GRIK5: variants seen among roughly 807,000 people sequenced by gnomAD.
GRIK5 encodes glutamate receptor ionotropic, kainate 5.
A neutral mutation model predicts 97.4 loss-of-function variants in GRIK5; 43 were observed. That is an observed-to-expected ratio of 0.44 (90% CI 0.35 to 0.57). The LOEUF is 0.57. Ranked by LOEUF, GRIK5 falls within the 20% of genes least tolerant of loss-of-function variation. The pLI, the probability that GRIK5 is intolerant of heterozygous loss-of-function variation, is 0.01. For missense variants in GRIK5, 1,015 were observed against 1,382.0 expected (o/e 0.73, Z 4.21); for synonymous variants, 580 against 583.5 (o/e 0.99, Z 0.09).
chr19:42,067,375 G>A (rs556396764), intron 1 of GRIK5, among the ~76,000 whole-genome samples: 21 of 152,358 alleles, frequency 1.4e-4, no homozygotes, highest in African/African-American at 5.1e-4. Flanking sequence ...CTGCCTTCTA[G>A]GCCTCTGAGA....
chr19:42,003,844 C>A lies in GRIK5; in HGVS notation c.2264-161G>T. On this transcript the variant is annotated intron_variant, in intron 17 of 19. Coordinates refer to ENST00000593562, the MANE Select transcript of GRIK5 (RefSeq NM_002088.5). This position sits in a 1 kb window ranked among gnomAD's most constrained non-coding sequence, Gnocchi z 4.2. ...CACCCCCAGCCCAGTCTCCTCTCAA[C>A]ACAGCAGCCAGAGAGACAGTGTTAG... 1 of 675,276 alleles carries A rather than the reference C, an allele frequency of 1.5e-6. No homozygotes were observed. Among genetic ancestry groups the A allele is most frequent in the Non-Finnish European group, 2.4e-6 (1 of 413,922 alleles). 41.8% of individuals were successfully genotyped at this position (675,276 alleles called of 1,614,324 possible).
In GRIK5 at chr19:41,999,018, G is replaced by A; in HGVS notation, c.2796C>T (p.Val932=). The A allele has an allele frequency of 1.6e-6, 2 of 1,215,414 alleles. No individual in the cohort carries two copies. The highest frequency in any genetic ancestry group is 1.0e-6 in the Non-Finnish European group (1 of 968,886). 75.3% of individuals were successfully genotyped at this position (1,215,414 alleles called of 1,614,324 possible). The change falls in exon 20 of 20, where the codon GTC becomes GTT. Residue 932 remains valine (V), a synonymous_variant. Transcript: ENST00000593562. The surrounding 1 kb of genome is among the most constrained non-coding windows in gnomAD (Gnocchi z 5.0). Reference sequence around the variant, plus strand: ...CCTGGATGCGCCGGCACTCCTGGCAGACGCGCACGTGGGTGCAGGGGGTGG... The same window carrying A: ...CCTGGATGCGCCGGCACTCCTGGCAAACGCGCACGTGGGTGCAGGGGGTGG... The part of the protein sequence containing the change: ...AAPTPCTHVR[V]CQECRRIQAL...
rs752815054 is a variant in GRIK5 at position 42,065,696 on chromosome 19, G to A, written c.75C>T (p.Arg25=). The part of the protein sequence containing the change: ...SPSCQVLSSL[R]MAAILDDQTV... ...CAGGGTGCGGGAGGGCCTCACCCAT[G>A]CGCAGTGATGAGAGCACCTGGCAGC... is the stretch of plus-strand genomic sequence containing the variant. The change falls in exon 2 of 20, where the codon CGC becomes CGT. Residue 25 remains arginine, a synonymous_variant. Transcript: ENST00000593562. The surrounding 1 kb of genome is among the most constrained non-coding windows in gnomAD (Gnocchi z 5.8). The A allele has an allele frequency of 6.3e-7, 1 of 1,587,978 alleles. No homozygotes were observed. The highest frequency in any genetic ancestry group is 8.6e-7 in the Non-Finnish European group (1 of 1,168,870).
In GRIK5 at chr19:42,029,091, CAG is replaced by C. The variant is rs921077384; in HGVS notation, c.1474-6739_1474-6738del. 1.1e-4 allele frequency among the ~76,000 whole-genome samples: 17 copies of C among 152,134 alleles called. No homozygotes were observed. In the East Asian group the frequency reaches 2.5e-3, roughly 23 times the overall value. ...ACAAAAAAAAATTTTTTTTTTGAGA[CAG>C]AGTCTTGCTCTGTAGCTGGGCTAGA... On this transcript the variant is annotated intron_variant, in intron 12 of 19. Coordinates refer to ENST00000593562, the MANE Select transcript of GRIK5 (RefSeq NM_002088.5).
At chr19:42,049,507 A>C (rs1187145254) in intron 11 of GRIK5, among the ~76,000 whole-genome samples, 1 of 152,220 alleles carries the variant, frequency 6.6e-6, no homozygotes, top group Admixed American at 6.5e-5. Context: ...ATGTTGCCAG[A>C]AGAAGCCAGT....
intron 15 of GRIK5, among the ~76,000 whole-genome samples, chr19:42,009,495 C>A (rs912204877): frequency 9.3e-4 from 140 of 150,796 alleles, no homozygotes; most frequent in African/African-American, 3.3e-3. Flanking sequence ...AGGCTGGGCG[C>A]GGTGGCTCAC....
Position 42,033,430 on chromosome 19 carries a change from C to T in GRIK5, c.1473+9122G>A, listed in dbSNP as rs150979502. Among the ~76,000 whole-genome samples, 14 of 151,748 alleles carry T rather than the reference C, an allele frequency of 9.2e-5. No individual in the cohort carries two copies. The East Asian group carries it at 2.7e-3, about 29-fold the overall frequency. ...AGTGAAAGAAGCCATACACAAAGACCGCATATTGGATGATTCCATTTATGT... is the reference window on the plus strand; with the variant it reads ...AGTGAAAGAAGCCATACACAAAGACTGCATATTGGATGATTCCATTTATGT... On this transcript the variant is annotated intron_variant, in intron 12 of 19. Coordinates refer to ENST00000593562, the MANE Select transcript of GRIK5 (RefSeq NM_002088.5).
intron 6 of GRIK5, among the ~76,000 whole-genome samples, chr19:42,058,927 C>T (rs1290041521): frequency 6.6e-6 from 1 of 152,114 alleles, no homozygotes; most frequent in African/African-American, 2.4e-5. Flanking sequence ...TACGATGTAG[C>T]CAGATCTGAC....
At chr19:42,036,099 G>A (rs556216064) in intron 12 of GRIK5, among the ~76,000 whole-genome samples, 5 of 151,740 alleles carry the variant, frequency 3.3e-5, no homozygotes, top group East Asian at 1.9e-4. Context: ...CACTCTTGTC[G>A]CCCAGGCTGG....
rs764169683 is a variant in GRIK5 at position 42,065,718 on chromosome 19, C to T, written c.53G>A (p.Cys18Tyr). 6.3e-7 allele frequency: 1 copy of T among 1,596,626 alleles called. No individual in the cohort carries two copies. The highest frequency in any genetic ancestry group is 1.1e-5 in the South Asian group (1 of 88,110). ...LLIVAFASPS[C>Y]QVLSSLRMAA... ...CATGCGCAGTGATGAGAGCACCTGG[C>T]AGCTGGGGCTGGCGAAGGCAACAAT... Residue 18 changes from cysteine (C) to tyrosine (Y), a missense_variant, in exon 2 of 20, where the codon TGC becomes TAC. Cys to Tyr is a radical substitution (Grantham distance 194). Coordinates refer to ENST00000593562, the MANE Select transcript of GRIK5 (RefSeq NM_002088.5). This position sits in a 1 kb window ranked among gnomAD's most constrained non-coding sequence, Gnocchi z 5.8.
rs1599772260 is a variant in GRIK5, at chr19:42,022,759, G to A, written c.1474-405C>T. The A allele has an allele frequency of 1.4e-6, 1 of 704,168 alleles. No homozygotes were observed. 43.6% of individuals were successfully genotyped at this position (704,168 alleles called of 1,614,324 possible). A position where few individuals can be genotyped will look rare whatever the true frequency, so the allele number is the denominator to read the frequency against. On this transcript the variant is annotated intron_variant, in intron 12 of 19. Coordinates refer to ENST00000593562, the MANE Select transcript of GRIK5 (RefSeq NM_002088.5). The surrounding 1 kb of genome is among the most constrained non-coding windows in gnomAD (Gnocchi z 4.2). Reference sequence around the variant, plus strand: ...CAGGCCCGGACAGAACACAGAGCAGGGAGAGAGGAGGCAGGGCCCAGAAAT... The same window carrying A: ...CAGGCCCGGACAGAACACAGAGCAGAGAGAGAGGAGGCAGGGCCCAGAAAT...
At position 41,999,902 on chromosome 19, in the gene GRIK5, T is replaced by A. The variant is rs1231702119; in HGVS notation, c.2515-603A>T. ...GACGATGAATTCTGAGACAGGACAG[T>A]CAAGGAAGACCTCACTGAGAGAAGG... On this transcript the variant is annotated intron_variant, in intron 19 of 19. Transcript: ENST00000593562. The surrounding 1 kb of genome is among the most constrained non-coding windows in gnomAD (Gnocchi z 5.0). Among the ~76,000 whole-genome samples, 2 of 152,102 alleles carry A rather than the reference T, an allele frequency of 1.3e-5. No individual in the cohort carries two copies. The highest frequency in any genetic ancestry group is 4.8e-5 in the African/African-American group (2 of 41,396).
intron 19 of GRIK5, among the ~76,000 whole-genome samples, chr19:42,001,180 C>T (rs951487855): frequency 6.6e-6 from 1 of 152,122 alleles, no homozygotes; most frequent in Non-Finnish European, 1.5e-5. Flanking sequence ...ACTGGTGAAT[C>T]GTAAGCTGTT....
rs142667820 is a variant in GRIK5 at position 42,042,280 on chromosome 19, A to G, written c.1473+272T>C. 4.0e-3 allele frequency among the ~76,000 whole-genome samples: 611 copies of G among 152,276 alleles called. 7 individuals are homozygous for G. The highest frequency in any genetic ancestry group is 0.014 in the African/African-American group (577 of 41,556). ...TCACTTAACAAATCTTTGCACACCG[A>G]CTAATCCAAGGTGGCATGAAAGGGG... On this transcript the variant is annotated intron_variant, in intron 12 of 19. Transcript: ENST00000593562. This position sits in a 1 kb window ranked among gnomAD's most constrained non-coding sequence, Gnocchi z 6.9.
intron 11 of GRIK5, among the ~76,000 whole-genome samples, chr19:42,048,914 C>G (rs1021881220): frequency 1.3e-5 from 2 of 151,794 alleles, no homozygotes; most frequent in African/African-American, 4.8e-5. Context: ...TGGTGGTGCA[C>G]GACTGTGGTC....
At chr19:42,052,578 T>C (rs2076131211) in intron 11 of GRIK5, among the ~76,000 whole-genome samples, 2 of 152,214 alleles carry the variant, frequency 1.3e-5, no homozygotes, top group Admixed American at 6.5e-5. Flanking sequence ...AAAACCCTCT[T>C]GTAACCCTCT....
chr19:42,019,986 G>GT (rs2075677638), intron 15 of GRIK5, among the ~76,000 whole-genome samples: 52 of 149,396 alleles, frequency 3.5e-4, no homozygotes, highest in South Asian at 6.4e-4. Flanking sequence ...TTTTTTTGGG[G>GT]GTTTTTTTTT....
chr19:42,035,991 A>C (rs1465099521), intron 12 of GRIK5, among the ~76,000 whole-genome samples: 1 of 152,230 alleles, frequency 6.6e-6, no homozygotes, highest in African/African-American at 2.4e-5. Flanking sequence ...CTTAATACAA[A>C]TATGTTTTAT....
At chr19:42,020,390 C>T (rs947851208) in intron 15 of GRIK5, among the ~76,000 whole-genome samples, 4 of 152,214 alleles carry the variant, frequency 2.6e-5, no homozygotes, top group Non-Finnish European at 1.5e-5. Flanking sequence ...CTCTCCAGGA[C>T]AGGAATGGGG....
Sources: allele counts gnomAD v4.1 joint callset (sites outside exome capture counted in the v4.1 genomes callset), GRCh38; gene constraint gnomAD v4.1.1; non-coding constraint Gnocchi (gnomAD v3.1); transcripts MANE v1.5; gene names NCBI Gene and HGNC (gene_info 2026-07-23, HGNC 2026-07-21).